The following MPP7 variants were observed in gnomAD, a reference collection of about 807,000 sequenced individuals.
MPP7 encodes MAGUK p55 scaffold protein 7.
In MPP7, 60 loss-of-function variants were observed where a neutral mutation model predicts 76.5. The observed-to-expected ratio is 0.78, with a 90% confidence interval of 0.64 to 0.97. The LOEUF (loss-of-function observed/expected upper bound fraction) is 0.97, where lower values mean the gene tolerates loss of function less well. MPP7 is among the 50% of genes least tolerant of loss of function. MPP7 has a pLI of 0.00. For synonymous variants in MPP7, 237 were observed against 244.5 expected (o/e 0.97, Z 0.29); for missense variants, 641 against 694.0 (o/e 0.92, Z 0.86).
At chr10:28,250,614 G>A (rs138394960) in intron 1 of MPP7, among the ~76,000 whole-genome samples, 105 of 152,242 alleles carry the variant, frequency 6.9e-4, no homozygotes, top group African/African-American at 2.5e-3. Flanking sequence ...TGATTCAACC[G>A]CACTTTCATG....
At chr10:28,093,982 C>T (rs1564627303) in intron 11 of MPP7, among the ~76,000 whole-genome samples, 1 of 152,142 alleles carries the variant, frequency 6.6e-6, no homozygotes, top group African/African-American at 2.4e-5. Flanking sequence ...GTTTCATCTG[C>T]TTCATGTAAA....
At chr10:28,108,091 C>T (rs938158365) in intron 11 of MPP7, among the ~76,000 whole-genome samples, 3 of 152,168 alleles carry the variant, frequency 2.0e-5, no homozygotes, top group Non-Finnish European at 4.4e-5. Context: ...GTAAAAGACA[C>T]AGTACAAATA....
chr10:28,312,360 G>A (rs1002560577), intron 2 of MPP7, among the ~76,000 whole-genome samples: 7 of 152,062 alleles, frequency 4.6e-5, no homozygotes, highest in Non-Finnish European at 8.8e-5. Context: ...GCACTGATTC[G>A]TGCATTTTAC....
chr10:28,151,746 T>G (rs1835890661), intron 3 of MPP7, among the ~76,000 whole-genome samples: 1 of 152,228 alleles, frequency 6.6e-6, no homozygotes. Context: ...GCTATGTTCT[T>G]GCAGACAGTA....
At chr10:28,147,584 A>C in intron 4 of MPP7, 21 bp from the exon 5 acceptor site, 1 of 1,607,648 alleles carries the variant, frequency 6.2e-7, no homozygotes, top group South Asian at 1.1e-5. Context: ...GATTACATTG[A>C]CTTAAAGAAC....
intron 3 of MPP7, among the ~76,000 whole-genome samples, chr10:28,171,350 C>T (rs1422490554): frequency 6.6e-6 from 1 of 152,188 alleles, no homozygotes; most frequent in Non-Finnish European, 1.5e-5. Context: ...ATTTTTCTCT[C>T]TGCCACCTTT....
chr10:28,104,562 C>T (rs1487554659), intron 11 of MPP7, among the ~76,000 whole-genome samples: 5 of 152,096 alleles, frequency 3.3e-5, no homozygotes, highest in African/African-American at 9.7e-5. Context: ...CTATTTGTAA[C>T]AAAGTAACTT....
intron 1 of MPP7, among the ~76,000 whole-genome samples, chr10:28,251,842 A>G (rs1459234494): frequency 6.6e-6 from 1 of 151,932 alleles, no homozygotes; most frequent in Non-Finnish European, 1.5e-5. Flanking sequence ...GGATTACTTG[A>G]CCCCAGGAAT....
At chr10:28,157,894 T>C (rs1836121288) in intron 3 of MPP7, among the ~76,000 whole-genome samples, 1 of 152,234 alleles carries the variant, frequency 6.6e-6, no homozygotes, top group African/African-American at 2.4e-5. Flanking sequence ...TTTTGTTCAC[T>C]ATCCTTATCA....
At chr10:28,209,427 C>G (rs1838057645) in intron 2 of MPP7, among the ~76,000 whole-genome samples, 1 of 150,818 alleles carries the variant, frequency 6.6e-6, no homozygotes, top group Non-Finnish European at 1.5e-5. Context: ...TATGATTGCA[C>G]CACTGCACTC....
At chr10:28,126,238 T>C (rs10826403) in intron 6 of MPP7, among the ~76,000 whole-genome samples, 61,439 of 152,072 alleles carry the variant, frequency 0.4, 16,708 homozygotes, top group East Asian at 0.91. Flanking sequence ...GAGCATCACT[T>C]CATGGTCATA....
chr10:28,069,740 G>C (rs772377249), intron 13 of MPP7, 32 bp downstream of exon 13: 36 of 1,529,308 alleles, frequency 2.4e-5, no homozygotes, highest in Non-Finnish European at 3.1e-5. Flanking sequence ...CGTAAGTGTA[G>C]TCATAGGAAC....
chr10:28,249,795 TC>T (rs1199052634), intron 1 of MPP7, among the ~76,000 whole-genome samples: 2 of 152,064 alleles, frequency 1.3e-5, no homozygotes, highest in African/African-American at 4.8e-5. Context: ...GCCTGCACCT[TC>T]CCCTGGTGGG....
At chr10:28,106,531 A>G (rs11006872) in intron 11 of MPP7, among the ~76,000 whole-genome samples, 8,014 of 152,320 alleles carry the variant, frequency 0.053, 258 homozygotes, top group Middle Eastern at 0.11. Flanking sequence ...AGGAAACATA[A>G]TCAAAAAGAT....
At chr10:28,276,987 G>GT (rs397847611) in intron 1 of MPP7, among the ~76,000 whole-genome samples, 114 of 151,832 alleles carry the variant, frequency 7.5e-4, no homozygotes, top group Admixed American at 1.5e-3. Context: ...GAGCCCAGGA[G>GT]TTTGAGACCA....
At chr10:28,261,726 G>A (rs543380983) in intron 1 of MPP7, among the ~76,000 whole-genome samples, 5 of 152,220 alleles carry the variant, frequency 3.3e-5, no homozygotes, top group East Asian at 3.9e-4. Context: ...GAGAGAGACC[G>A]GTTTATCTCA....
chr10:28,216,706 T>C (rs1271178795), intron 2 of MPP7, among the ~76,000 whole-genome samples: 1 of 152,220 alleles, frequency 6.6e-6, no homozygotes, highest in African/African-American at 2.4e-5. Flanking sequence ...TGTGGGCTTA[T>C]TGAAACAATT....
At position 28,210,517 on chromosome 10, in the gene MPP7, T is replaced by A. The variant is rs145092024; in HGVS notation, c.38-8246A>T. ...CTTATAAGAGAAGGTCAAGATAGAT[T>A]GTGGTTTTCTAACATTAAAATAACA... On this transcript the variant is annotated intron_variant, in intron 2 of 16. Transcript: ENST00000683449. Among the ~76,000 whole-genome samples the A allele has an allele frequency of 3.0e-3, 452 of 152,320 alleles. 9 individuals carry two copies. The South Asian group carries it at 0.063, about 21-fold the overall frequency.
At chr10:28,196,811 T>C (rs1837598880) in intron 3 of MPP7, among the ~76,000 whole-genome samples, 1 of 152,160 alleles carries the variant, frequency 6.6e-6, no homozygotes, top group South Asian at 2.1e-4. Flanking sequence ...TCCAACACTT[T>C]GCCACCATCA....
Sources: allele counts gnomAD v4.1 joint callset (sites outside exome capture counted in the v4.1 genomes callset), GRCh38; gene constraint gnomAD v4.1.1; transcripts MANE v1.5; gene names NCBI Gene and HGNC (gene_info 2026-07-23, HGNC 2026-07-21).